H1-0: variants seen among roughly 807,000 people sequenced by gnomAD.
H1-0 encodes the protein H1.0 linker histone, also known as histone H1.0.
A neutral mutation model predicts 8.8 loss-of-function variants in H1-0; 5 were observed. That is an observed-to-expected ratio of 0.57 (90% CI 0.30 to 1.19). The LOEUF (loss-of-function observed/expected upper bound fraction) is 1.19. Among genes scored for constraint, H1-0 ranks in the 50% most tolerant of loss-of-function variants. The pLI, the probability that H1-0 is intolerant of heterozygous loss-of-function variation, is 0.08. For synonymous variants in H1-0, 143 were observed against 101.4 expected, an observed-to-expected ratio of 1.41 and a Z score of -2.46; for missense variants, 231 against 242.0, an observed-to-expected ratio of 0.95 and a Z score of 0.30.
chr22:37,805,385 G>T lies in H1-0; in HGVS notation c.-160G>T. ...CTCTCCCGACACCCGAGCCGGGGAG[G>T]AAAAGCAGCGACTCCTCGCTCGCAT... On this transcript the variant is annotated 5_prime_UTR_variant, in exon 1 of 1. Transcript: ENST00000340857. 1.7e-6 allele frequency: 1 copy of T among 587,228 alleles called. No homozygotes were observed. Among genetic ancestry groups the T allele is most frequent in the South Asian group, 2.1e-5 (1 of 47,152 alleles). The allele number at this position is 587,228 out of a possible 1,614,324, so 36.4% of individuals were successfully genotyped here. A position where few individuals can be genotyped will look rare whatever the true frequency, so the allele number is the denominator to read the frequency against.
rs1303877561 is a variant in H1-0 at position 37,806,383 on chromosome 22, G to T, written c.*254G>T. On this transcript the variant is annotated 3_prime_UTR_variant, in exon 1 of 1. Coordinates refer to ENST00000340857, the MANE Select transcript of H1-0 (RefSeq NM_005318.4). Reference sequence around the variant, plus strand: ...TGTTTTGCTATTAACCTACTTACGGGGTTAGGGATTTGCGGGGGGGGCTTG... The same window carrying T: ...TGTTTTGCTATTAACCTACTTACGGTGTTAGGGATTTGCGGGGGGGGCTTG... The T allele has an allele frequency of 8.8e-6, 4 of 454,926 alleles. No homozygotes were observed. In the African/African-American group the frequency reaches 1.1e-4, roughly 12 times the overall value. 28.2% of individuals were successfully genotyped at this position (454,926 alleles called of 1,614,324 possible).
Position 37,807,219 on chromosome 22 carries a change from T to C in H1-0, c.*1090T>C, listed in dbSNP as rs1921037460. 6.0e-6 allele frequency: 1 copy of C among 167,112 alleles called. No individual in the cohort carries two copies. Among genetic ancestry groups the C allele is most frequent in the African/African-American group, 2.4e-5 (1 of 41,450 alleles). The allele number at this position is 167,112 out of a possible 1,614,324, so 10.4% of individuals were successfully genotyped here. ...GTGTGCATGTGTGTGTTTGTGTATA[T>C]ATACATATCTAGGGCTAGTACTTAG... is the stretch of plus-strand genomic sequence containing the variant. On this transcript the variant is annotated 3_prime_UTR_variant, in exon 1 of 1. Transcript: ENST00000340857.
chr22:37,807,121 G>A lies in H1-0; in HGVS notation c.*992G>A, dbSNP rs1403496131. ...TAGCTGCGGGAGGGGGAGGGGGAGTGGGCGGGCAGTGGATAGTAAGACTTA... is the reference window on the plus strand; with the variant it reads ...TAGCTGCGGGAGGGGGAGGGGGAGTAGGCGGGCAGTGGATAGTAAGACTTA... On this transcript the variant is annotated 3_prime_UTR_variant, in exon 1 of 1. Transcript: ENST00000340857. 1.2e-5 allele frequency: 2 copies of A among 166,988 alleles called. No homozygotes were observed. The highest frequency in any genetic ancestry group is 2.4e-5 in the African/African-American group (1 of 41,414). The allele number at this position is 166,988 out of a possible 1,614,324, so 10.3% of individuals were successfully genotyped here.
chr22:37,806,152 C>T lies in H1-0; in HGVS notation c.*23C>T, dbSNP rs1381172687. ...TGACAATGAAGTCTTTTCTTGCGGA[C>T]ACTCCCTCCTGTCTCCTATTTTCTG... On this transcript the variant is annotated 3_prime_UTR_variant, in exon 1 of 1. Coordinates refer to ENST00000340857, the MANE Select transcript of H1-0 (RefSeq NM_005318.4). 3.2e-6 allele frequency: 5 copies of T among 1,548,226 alleles called. No homozygotes were observed. The highest frequency in any genetic ancestry group is 3.5e-6 in the Non-Finnish European group (4 of 1,132,442).
In H1-0 at chr22:37,805,907, G is replaced by A. The variant is rs1421187021; in HGVS notation, c.363G>A (p.Lys121=). The change falls in exon 1 of 1, where the codon AAG becomes AAA. Residue 121 remains lysine, a synonymous_variant. Coordinates refer to ENST00000340857, the MANE Select transcript of H1-0 (RefSeq NM_005318.4). ...AAATCAAGAAGGTAGCCACGCCAAA[G>A]AAGGCATCCAAGCCCAAGAAGGCTG... ...KKEIKKVATP[K]KASKPKKAAS... is the part of the protein sequence containing the mutation. 5 of 1,614,066 alleles carry A rather than the reference G, an allele frequency of 3.1e-6. No individual in the cohort carries two copies. Among genetic ancestry groups the A allele is most frequent in the Non-Finnish European group, 4.2e-6 (5 of 1,180,026 alleles).
chr22:37,806,116 G>A lies in H1-0; in HGVS notation c.572G>A (p.Gly191Asp), dbSNP rs1222755804. ...GCAAAGTCCAGTGCCAAGAGGGCCG[G>A]CAAGAAGAAGTGACAATGAAGTCTT... ...PKAKSSAKRA[G>D]KKK Residue 191 changes from glycine to aspartate, a missense_variant, in exon 1 of 1, where the codon GGC becomes GAC. By Grantham distance (94) the Gly-to-Asp change is moderately conservative. Coordinates refer to ENST00000340857, the MANE Select transcript of H1-0 (RefSeq NM_005318.4). 1.2e-6 allele frequency: 2 copies of A among 1,606,434 alleles called. No homozygotes were observed. The highest frequency in any genetic ancestry group is 2.2e-5 in the South Asian group (2 of 89,916).
In H1-0 at chr22:37,807,331, T is replaced by TCCCCCCCCCCCCCCCCCCCC. The variant is rs56665907; in HGVS notation, c.*1211_*1212insCCCCCCCCCCCCCCCCCCCC. 6.6e-6 allele frequency: 1 copy of TCCCCCCCCCCCCCCCCCCCC among 151,428 alleles called. No individual in the cohort carries two copies. Among genetic ancestry groups the TCCCCCCCCCCCCCCCCCCCC allele is most frequent in the African/African-American group, 2.6e-5 (1 of 38,594 alleles). 9.4% of individuals were successfully genotyped at this position (151,428 alleles called of 1,614,324 possible). On this transcript the variant is annotated 3_prime_UTR_variant, in exon 1 of 1. Coordinates refer to ENST00000340857, the MANE Select transcript of H1-0 (RefSeq NM_005318.4). ...AATAGAAAAATCGCGCACTTGCGCG[T>TCCCCCCCCCCCCCCCCCCCC]CCCCCCCCCACCCCCTTTTTTAAAC...
rs1920995904 is a variant in H1-0, at chr22:37,806,349, C to T, written c.*220C>T. 1 of 567,926 alleles carries T rather than the reference C, an allele frequency of 1.8e-6. No homozygotes were observed. Among genetic ancestry groups the T allele is most frequent in the African/African-American group, 1.9e-5 (1 of 52,630 alleles). 35.2% of individuals were successfully genotyped at this position (567,926 alleles called of 1,614,324 possible). On this transcript the variant is annotated 3_prime_UTR_variant, in exon 1 of 1. Transcript: ENST00000340857. ...CAACCAATCTAATGATGAGAATGTA[C>T]TTATATTTTGTTTTGCTATTAACCT...
At position 37,806,332 on chromosome 22, in the gene H1-0, C is replaced by A. The variant is rs1322296456; in HGVS notation, c.*203C>A. The A allele has an allele frequency of 3.4e-6, 2 of 596,846 alleles. No homozygotes were observed. The highest frequency in any genetic ancestry group is 6.0e-6 in the Non-Finnish European group (2 of 331,020). 37.0% of individuals were successfully genotyped at this position (596,846 alleles called of 1,614,324 possible). On this transcript the variant is annotated 3_prime_UTR_variant, in exon 1 of 1. Coordinates refer to ENST00000340857, the MANE Select transcript of H1-0 (RefSeq NM_005318.4). ...TTGTGCAAGGACAGCAACAACCAAT[C>A]TAATGATGAGAATGTACTTATATTT...
Position 37,806,197 on chromosome 22 carries a change from T to G in H1-0, c.*68T>G. 7.9e-7 allele frequency: 1 copy of G among 1,269,824 alleles called. No homozygotes were observed. The highest frequency in any genetic ancestry group is 1.1e-6 in the Non-Finnish European group (1 of 919,890). 78.7% of individuals were successfully genotyped at this position (1,269,824 alleles called of 1,614,324 possible). A position where few individuals can be genotyped will look rare whatever the true frequency, so the allele number is the denominator to read the frequency against. ...TTTCTGTAAATAATTTTCTCCTTTT[T>G]TCTCTCTTGATGCTCACCACCACCT... On this transcript the variant is annotated 3_prime_UTR_variant, in exon 1 of 1. Transcript: ENST00000340857.
rs761725315 is a variant in H1-0 at position 37,805,784 on chromosome 22, C to G, written c.240C>G (p.Val80=). The part of the protein sequence containing the change: ...LSIKRLVTTG[V]LKQTKGVGAS... ...TCAAGCGCCTGGTCACCACCGGTGT[C>G]CTCAAGCAGACCAAAGGGGTGGGGG... Residue 80 remains valine (V), a synonymous_variant, in exon 1 of 1, where the codon GTC becomes GTG. Transcript: ENST00000340857. 4.3e-6 allele frequency: 7 copies of G among 1,614,060 alleles called. No individual in the cohort carries two copies. In the South Asian group the frequency reaches 7.7e-5, roughly 18 times the overall value.
chr22:37,806,246 TATA>T lies in H1-0; in HGVS notation c.*119_*121del, dbSNP rs1920993426. ...CTTTTGCCCCCTTCTGTTCTGACTT[TATA>T]AGAGACAGGATTTGGATTCTTCAGA... On this transcript the variant is annotated 3_prime_UTR_variant, in exon 1 of 1. Transcript: ENST00000340857. 1.3e-6 allele frequency: 1 copy of T among 748,098 alleles called. No homozygotes were observed. Among genetic ancestry groups the T allele is most frequent in the Non-Finnish European group, 2.2e-6 (1 of 458,430 alleles). 46.3% of individuals were successfully genotyped at this position (748,098 alleles called of 1,614,324 possible).
Position 37,807,188 on chromosome 22 carries a change from A to G in H1-0, c.*1059A>G, listed in dbSNP as rs1921035437. On this transcript the variant is annotated 3_prime_UTR_variant, in exon 1 of 1. Coordinates refer to ENST00000340857, the MANE Select transcript of H1-0 (RefSeq NM_005318.4). ...ATTTGCTAAGTAGTTTTACAGAGCT[A>G]GATCTGTGTGCATGTGTGTGTTTGT... The G allele has an allele frequency of 6.0e-6, 1 of 167,084 alleles. No homozygotes were observed. The highest frequency in any genetic ancestry group is 2.1e-4 in the South Asian group (1 of 4,836). 10.4% of individuals were successfully genotyped at this position (167,084 alleles called of 1,614,324 possible).
Position 37,806,961 on chromosome 22 carries a change from G to T in H1-0, c.*832G>T, listed in dbSNP as rs1921020968. 6.0e-6 allele frequency: 1 copy of T among 167,036 alleles called. No individual in the cohort carries two copies. The highest frequency in any genetic ancestry group is 2.4e-5 in the African/African-American group (1 of 41,432). The allele number at this position is 167,036 out of a possible 1,614,324, so 10.3% of individuals were successfully genotyped here. The stretch of plus-strand genomic sequence containing the variant: ...GGTTTTTCCACGCAATCGATGGATT[G>T]TGTCCTAGGAAGACTTTTCTTTTCC... On this transcript the variant is annotated 3_prime_UTR_variant, in exon 1 of 1. Coordinates refer to ENST00000340857, the MANE Select transcript of H1-0 (RefSeq NM_005318.4).
Position 37,806,294 on chromosome 22 carries a change from T to A in H1-0, c.*165T>A, listed in dbSNP as rs145575097. 1 of 636,044 alleles carries A rather than the reference T, an allele frequency of 1.6e-6. No individual in the cohort carries two copies. The highest frequency in any genetic ancestry group is 2.8e-5 in the East Asian group (1 of 36,248). 39.4% of individuals were successfully genotyped at this position (636,044 alleles called of 1,614,324 possible). On this transcript the variant is annotated 3_prime_UTR_variant, in exon 1 of 1. Transcript: ENST00000340857. ...TTCAGAAATTACAGAATAATTCATT[T>A]TTCCTTAACCAGTTGTGCAAGGACA...
rs1921002640 is a variant in H1-0 at position 37,806,577 on chromosome 22, A to C, written c.*448A>C. 1.7e-5 allele frequency: 3 copies of C among 181,776 alleles called. No individual in the cohort carries two copies. The South Asian group carries it at 4.2e-4, about 26-fold the overall frequency. 11.3% of individuals were successfully genotyped at this position (181,776 alleles called of 1,614,324 possible). A position where few individuals can be genotyped will look rare whatever the true frequency, so the allele number is the denominator to read the frequency against. ...TGGGCACCCGTTGTGAGAGTTTCAG[A>C]ACCTTTGGCCAGCAGGAGAGAGGTG... On this transcript the variant is annotated 3_prime_UTR_variant, in exon 1 of 1. Transcript: ENST00000340857.
chr22:37,805,528 G>A lies in H1-0; in HGVS notation c.-17G>A. 1.3e-6 allele frequency: 2 copies of A among 1,595,068 alleles called. No homozygotes were observed. The highest frequency in any genetic ancestry group is 1.7e-6 in the Non-Finnish European group (2 of 1,168,070). On this transcript the variant is annotated 5_prime_UTR_variant, in exon 1 of 1. Coordinates refer to ENST00000340857, the MANE Select transcript of H1-0 (RefSeq NM_005318.4). ...CCTTTGGAAGGCGCCTTCAACAGCCGGACCAGACAGGCCACCATGACCGAG... is the reference window on the plus strand; with the variant it reads ...CCTTTGGAAGGCGCCTTCAACAGCCAGACCAGACAGGCCACCATGACCGAG...
rs1179769307 is a variant in H1-0, at chr22:37,806,117, C to T, written c.573C>T (p.Gly191=). 4.4e-6 allele frequency: 7 copies of T among 1,606,428 alleles called. No homozygotes were observed. Among genetic ancestry groups the T allele is most frequent in the Non-Finnish European group, 6.0e-6 (7 of 1,176,326 alleles). Residue 191 remains glycine, a synonymous_variant, in exon 1 of 1, where the codon GGC becomes GGT. Coordinates refer to ENST00000340857, the MANE Select transcript of H1-0 (RefSeq NM_005318.4). ...CAAAGTCCAGTGCCAAGAGGGCCGG[C>T]AAGAAGAAGTGACAATGAAGTCTTT... The part of the protein sequence containing the change: ...PKAKSSAKRA[G]KKK
rs908813928 is a variant in H1-0, at chr22:37,806,827, T to C, written c.*698T>C. The C allele has an allele frequency of 6.0e-5, 10 of 167,096 alleles. No homozygotes were observed. The East Asian group carries it at 9.7e-4, about 16-fold the overall frequency. The allele number at this position is 167,096 out of a possible 1,614,324, so 10.4% of individuals were successfully genotyped here. On this transcript the variant is annotated 3_prime_UTR_variant, in exon 1 of 1. Transcript: ENST00000340857. ...CTCCCAGTCAGCTAGGATGTAGCCA[T>C]TGGGGGATCTTTGTGGCTTCAGCAA...
Sources: allele counts gnomAD v4.1 joint callset, GRCh38; gene constraint gnomAD v4.1.1; transcripts MANE v1.5; gene names NCBI Gene and HGNC (gene_info 2026-07-23, HGNC 2026-07-21).